ENTPD1: variants seen among roughly 807,000 people sequenced by gnomAD.
ENTPD1 encodes the protein ATP diphosphohydrolase.
Under a neutral mutation model 57.0 loss-of-function variants are expected in ENTPD1, and 33 were observed. The observed-to-expected ratio is 0.58, with a 90% confidence interval of 0.44 to 0.77. The LOEUF is 0.77. Ranked by LOEUF, ENTPD1 falls within the 30% of genes least tolerant of loss-of-function variation. The pLI is 0.00. For synonymous variants in ENTPD1, 202 were observed against 218.8 expected (o/e 0.92, Z 0.68); for missense variants, 501 against 603.4 (o/e 0.83, Z 1.78).
Position 95,874,510 on chromosome 10 carries a change from T to A in ENTPD1, c.*8127T>A, listed in dbSNP as rs1053681340. Among the ~76,000 whole-genome samples, 1 of 152,188 alleles carries A rather than the reference T, an allele frequency of 6.6e-6. No individual in the cohort carries two copies. Among genetic ancestry groups the A allele is most frequent in the African/African-American group, 2.4e-5 (1 of 41,456 alleles). On this transcript the variant is annotated 3_prime_UTR_variant, in exon 10 of 10. Transcript: ENST00000371205. ...TGCTTTCTCAGGCTGATGTTGAGTG[T>A]CTGTAGCTTTTCCAGGCACAAGATG...
At chr10:95,826,505 G>A (rs1445096312) in intron 2 of ENTPD1, among the ~76,000 whole-genome samples, 2 of 151,366 alleles carry the variant, frequency 1.3e-5, no homozygotes, top group African/African-American at 2.4e-5. Context: ...CCCCAGAGGC[G>A]GAGGTTGCAG....
intron 1 of ENTPD1, among the ~76,000 whole-genome samples, chr10:95,762,557 A>G (rs1193180776): frequency 6.6e-6 from 1 of 152,170 alleles, no homozygotes; most frequent in Non-Finnish European, 1.5e-5. Context: ...TCCATTTTAT[A>G]GCGTGGTCTT....
At chr10:95,755,891 TGAA>T (rs142094913), upstream of ENTPD1, 146 of 1,519,530 alleles carry the variant, frequency 9.6e-5, no homozygotes, top group African/African-American at 1.7e-3. Context: ...GAGAGAGAGA[TGAA>T]GAGGGAGGGA....
At chr10:95,773,017 G>A (rs888881170) in intron 1 of ENTPD1, among the ~76,000 whole-genome samples, 25 of 152,158 alleles carry the variant, frequency 1.6e-4, no homozygotes, top group African/African-American at 5.8e-4. Context: ...TCCACTCTTG[G>A]AGGAAGGTGA....
chr10:95,852,360 T>A (rs2098446858), intron 7 of ENTPD1, among the ~76,000 whole-genome samples: 1 of 152,188 alleles, frequency 6.6e-6, no homozygotes, highest in Admixed American at 6.5e-5. Context: ...GTTGCAAAAA[T>A]TTTCTCCCAT....
At chr10:95,703,966 C>T in the ENTPD1 span, among the ~76,000 whole-genome samples, 2 of 151,252 alleles carry the variant, frequency 1.3e-5, no homozygotes, top group African/African-American at 4.9e-5. Flanking sequence ...TGGTTCATGC[C>T]TGTAGTCTCA....
chr10:95,770,242 A>T (rs79542348), intron 1 of ENTPD1, among the ~76,000 whole-genome samples: 2,410 of 126,312 alleles, frequency 0.019, 21 homozygotes, highest in Middle Eastern at 0.032. Flanking sequence ...AGAGAGAGAG[A>T]GAGTGAGTGA....
chr10:95,872,866 T>C lies in ENTPD1; in HGVS notation c.*6483T>C. On this transcript the variant is annotated 3_prime_UTR_variant, in exon 10 of 10. Coordinates refer to ENST00000371205, the MANE Select transcript of ENTPD1 (RefSeq NM_001776.6). ...TCCTGGTTCCCTGATGAAGCTTTTATTCCCCTAGCCACATGGAACTTTTCC... is the reference window on the plus strand; with the variant it reads ...TCCTGGTTCCCTGATGAAGCTTTTACTCCCCTAGCCACATGGAACTTTTCC... 3 of 985,440 alleles carry C rather than the reference T, an allele frequency of 3.0e-6. No individual in the cohort carries two copies. The highest frequency in any genetic ancestry group is 3.6e-6 in the Non-Finnish European group (3 of 829,942). The allele number at this position is 985,440 out of a possible 1,614,324, so 61.0% of individuals were successfully genotyped here. A position where few individuals can be genotyped will look rare whatever the true frequency, so the allele number is the denominator to read the frequency against.
chr10:95,743,251 G>A (rs1286606746), intron 1 of ENTPD1, among the ~76,000 whole-genome samples: 1 of 152,208 alleles, frequency 6.6e-6, no homozygotes, highest in African/African-American at 2.4e-5. Context: ...TTAGGCTCGA[G>A]TTATGCACTT....
intron 2 of ENTPD1, among the ~76,000 whole-genome samples, chr10:95,834,737 G>A (rs1003219721): frequency 4.6e-5 from 7 of 151,946 alleles, no homozygotes; most frequent in Admixed American, 3.3e-4. Flanking sequence ...GGTCTGTTGC[G>A]CCTACATTTC....
intron 1 of ENTPD1, among the ~76,000 whole-genome samples, chr10:95,733,872 C>G (rs2097991813): frequency 6.6e-6 from 1 of 152,090 alleles, no homozygotes; most frequent in South Asian, 2.1e-4. Flanking sequence ...TTCCCTAAAG[C>G]AATAAGGTAA....
At chr10:95,844,764 G>A in intron 5 of ENTPD1, 129 bp downstream of exon 5, 1 of 1,185,482 alleles carries the variant, frequency 8.4e-7, no homozygotes, top group Middle Eastern at 2.7e-4. Flanking sequence ...TGGATGACTG[G>A]ATGAATGAAT....
intron 1 of ENTPD1, among the ~76,000 whole-genome samples, chr10:95,788,614 C>A: frequency 1.4e-5 from 2 of 144,688 alleles, no homozygotes; most frequent in South Asian, 2.2e-4. Context: ...GAGACTCTGT[C>A]CAAAAAAAAA....
intron 1 of ENTPD1, among the ~76,000 whole-genome samples, chr10:95,811,207 G>C (rs2098305483): frequency 6.6e-6 from 1 of 152,188 alleles, no homozygotes; most frequent in Non-Finnish European, 1.5e-5. Flanking sequence ...TACCAAGTGA[G>C]ACTTTACAAT....
chr10:95,712,393 A>G (rs1310020469), intron 1 of ENTPD1, among the ~76,000 whole-genome samples: 3 of 152,028 alleles, frequency 2.0e-5, no homozygotes, highest in African/African-American at 7.3e-5. Context: ...AAGTTCTCCT[A>G]TTGTCTTATT....
the ENTPD1 span, among the ~76,000 whole-genome samples, chr10:95,700,646 G>A: frequency 3.7e-3 from 556 of 152,126 alleles, 8 homozygotes; most frequent in South Asian, 0.011. Context: ...TGTGATCACA[G>A]CACTGCACTC....
At position 95,869,076 on chromosome 10, in the gene ENTPD1, G is replaced by A. The variant is rs1045465896; in HGVS notation, c.*2693G>A. 2.1e-5 allele frequency: 21 copies of A among 984,974 alleles called. No homozygotes were observed. The highest frequency in any genetic ancestry group is 2.4e-5 in the Non-Finnish European group (20 of 829,896). The allele number at this position is 984,974 out of a possible 1,614,324, so 61.0% of individuals were successfully genotyped here. On this transcript the variant is annotated 3_prime_UTR_variant, in exon 10 of 10. Coordinates refer to ENST00000371205, the MANE Select transcript of ENTPD1 (RefSeq NM_001776.6). ...TAATTTTAATATTGGATTGGCCATTGGTTATCACTGATTACCATTCTCCCC... is the reference window on the plus strand; with the variant it reads ...TAATTTTAATATTGGATTGGCCATTAGTTATCACTGATTACCATTCTCCCC...
At chr10:95,837,876 C>T (rs1042821842) in intron 2 of ENTPD1, among the ~76,000 whole-genome samples, 3 of 151,858 alleles carry the variant, frequency 2.0e-5, no homozygotes, top group Non-Finnish European at 4.4e-5. Context: ...CTCCATGAAC[C>T]AAACAAGGTC....
chr10:95,777,498 A>T (rs1224253547), intron 1 of ENTPD1, among the ~76,000 whole-genome samples: 1 of 152,168 alleles, frequency 6.6e-6, no homozygotes, highest in African/African-American at 2.4e-5. Flanking sequence ...AACAGCAAAT[A>T]TTGCTGCCTG....
Sources: gnomAD v4.1 joint callset for allele counts (sites outside exome capture counted in the v4.1 genomes callset) on GRCh38, gnomAD v4.1.1 for gene constraint, MANE v1.5 for transcripts, NCBI Gene and HGNC (gene_info 2026-07-23, HGNC 2026-07-21) for gene names.